Variants in CTCFL observed in about 807,000 individuals in gnomAD.
CTCFL encodes the protein CCCTC-binding factor like.
Under a neutral mutation model 67.4 loss-of-function variants are expected in CTCFL, and 36 were observed. That is an observed-to-expected ratio of 0.53 (90% confidence interval 0.41 to 0.71). CTCFL has a LOEUF of 0.71. Among genes scored for constraint, CTCFL ranks in the 30% least tolerant of loss-of-function variants. CTCFL has a pLI of 0.00. For synonymous variants in CTCFL, 324 were observed against 302.3 expected (o/e 1.07, Z -0.75); for missense variants, 786 against 835.2 (o/e 0.94, Z 0.73).
intron 3 of CTCFL, among the ~76,000 whole-genome samples, chr20:57,521,921 G>A (rs1378437299): frequency 6.6e-6 from 1 of 152,228 alleles, no homozygotes; most frequent in African/African-American, 2.4e-5. Context: ...CAGGGGCTAG[G>A]AGGAACAGAG....
At chr20:57,511,445 T>C (rs1260786009) in intron 8 of CTCFL, among the ~76,000 whole-genome samples, 1 of 152,212 alleles carries the variant, frequency 6.6e-6, no homozygotes, top group Non-Finnish European at 1.5e-5. Context: ...TTACTTTGAA[T>C]GGATCTTTTA....
intron 5 of CTCFL, among the ~76,000 whole-genome samples, chr20:57,517,653 C>T (rs1187371058): frequency 6.6e-6 from 1 of 152,034 alleles, no homozygotes; most frequent in South Asian, 2.1e-4. Context: ...ATTTTTGTCA[C>T]GGGATGGGAT....
intron 7 of CTCFL, chr20:57,513,862 G>T (rs2068719819): frequency 4.7e-6 from 6 of 1,288,876 alleles, no homozygotes; most frequent in Non-Finnish European, 6.1e-6. Flanking sequence ...GAAAAGGGAG[G>T]CCCAGGAATC....
chr20:57,510,186 AG>A (rs377528664), intron 8 of CTCFL, among the ~76,000 whole-genome samples: 101 of 152,346 alleles, frequency 6.6e-4, no homozygotes, highest in African/African-American at 2.3e-3. Flanking sequence ...ACTTTGAAGC[AG>A]TGTTTTGGTT....
rs758106197 is a variant in CTCFL, at chr20:57,497,216, A to AT, written c.*1333dup. 1.8e-5 allele frequency: 17 copies of AT among 948,734 alleles called. No individual in the cohort carries two copies. In the South Asian group the frequency reaches 5.9e-4, roughly 33 times the overall value. The allele number at this position is 948,734 out of a possible 1,614,324, so 58.8% of individuals were successfully genotyped here. A position where few individuals can be genotyped will look rare whatever the true frequency, so the allele number is the denominator to read the frequency against. On this transcript the variant is annotated 3_prime_UTR_variant, in exon 11 of 11. Transcript: ENST00000243914. ...ATTGAATTATGTAAAACATCTTTAA[A>AT]TAACAGTAAAAAAATTAAGAAACCA...
chr20:57,496,644 C>T (rs941778185), downstream of CTCFL, among the ~76,000 whole-genome samples: 1 of 152,214 alleles, frequency 6.6e-6, no homozygotes, highest in Non-Finnish European at 1.5e-5. Context: ...ACTTTACCGT[C>T]TGTCTCTATG....
intron 5 of CTCFL, chr20:57,518,527 T>C: frequency 2.8e-6 from 4 of 1,411,308 alleles, no homozygotes; most frequent in Non-Finnish European, 3.7e-6. Context: ...TTATTTGTAA[T>C]TTGTAAACCT....
chr20:57,504,719 T>C (rs1357985064), intron 9 of CTCFL, among the ~76,000 whole-genome samples: 1 of 151,904 alleles, frequency 6.6e-6, no homozygotes, highest in Non-Finnish European at 1.5e-5. Context: ...TGTTCTAATT[T>C]TGTTCTTAAT....
chr20:57,523,826 C>T lies in CTCFL; in HGVS notation c.380G>A (p.Arg127Gln), dbSNP rs138553138. 193 of 1,612,968 alleles carry T rather than the reference C, an allele frequency of 1.2e-4. No homozygotes were observed. Among genetic ancestry groups the T allele is most frequent in the Middle Eastern group, 1.6e-4 (1 of 6,084 alleles). The change falls in exon 2 of 11, where the codon CGG (arginine) becomes CAG (glutamine). Residue 127 changes from arginine to glutamine, a missense_variant. Physicochemically the swap from Arg to Gln is conservative, Grantham distance 43. Coordinates refer to ENST00000243914, the MANE Select transcript of CTCFL (RefSeq NM_001386993.1). Reference sequence around the variant, plus strand: ...GGCCACACACTGCTGCAGGCTCTGCCGGGGCCCTTCCTCAAGCCACAGCAA... The same window carrying T: ...GGCCACACACTGCTGCAGGCTCTGCTGGGGCCCTTCCTCAAGCCACAGCAA... The part of the protein sequence containing the change: ...PGLLWLEEGP[R>Q]QSLQQCVAIS...
At chr20:57,507,529 G>A (rs2068275861) in intron 9 of CTCFL, 6 of 698,210 alleles carry the variant, frequency 8.6e-6, no homozygotes, top group Admixed American at 4.0e-5. Flanking sequence ...GACTGCAAAA[G>A]GCACCATGGC....
At chr20:57,513,068 A>G (rs1174512031) in intron 7 of CTCFL, among the ~76,000 whole-genome samples, 2 of 152,164 alleles carry the variant, frequency 1.3e-5, no homozygotes, top group African/African-American at 4.8e-5. Flanking sequence ...GAATGCTGAA[A>G]TATCATTTTA....
At chr20:57,496,176 C>T, downstream of CTCFL, 1 of 512,082 alleles carries the variant, frequency 2.0e-6, no homozygotes, top group East Asian at 3.1e-5. Flanking sequence ...GTGCTGTCCT[C>T]ATGACAGTGG....
At chr20:57,520,849 G>C (rs2069301046) in intron 3 of CTCFL, among the ~76,000 whole-genome samples, 1 of 152,344 alleles carries the variant, frequency 6.6e-6, no homozygotes, top group East Asian at 1.9e-4. Flanking sequence ...TGTGCAGAAA[G>C]GGTCTTTGCA....
chr20:57,512,476 G>C (rs1568865600), intron 8 of CTCFL, 116 bp downstream of exon 8: 2 of 1,003,220 alleles, frequency 2.0e-6, no homozygotes, highest in Non-Finnish European at 3.0e-6. Context: ...ATTCTGAATA[G>C]GCTACTCTAT....
intron 10 of CTCFL, among the ~76,000 whole-genome samples, chr20:57,501,155 A>G (rs1361837375): frequency 6.6e-6 from 1 of 152,222 alleles, no homozygotes; most frequent in Non-Finnish European, 1.5e-5. Context: ...GGCCAGGCCT[A>G]GTGCCAGGAG....
intron 3 of CTCFL, among the ~76,000 whole-genome samples, chr20:57,521,814 A>C (rs1056065347): frequency 6.6e-6 from 1 of 152,238 alleles, no homozygotes; most frequent in African/African-American, 2.4e-5. Flanking sequence ...TCAAGAATCT[A>C]GACACGAAAG....
At chr20:57,499,894 C>A in intron 10 of CTCFL, 1 of 898,616 alleles carries the variant, frequency 1.1e-6, no homozygotes, top group Non-Finnish European at 1.3e-6. Flanking sequence ...CTCCCTCACC[C>A]ACTGCTCACC....
At position 57,497,232 on chromosome 20, in the gene CTCFL, T is replaced by G. The variant is rs1043244815; in HGVS notation, c.*1318A>C. 1.0e-6 allele frequency: 1 copy of G among 966,444 alleles called. No individual in the cohort carries two copies. The highest frequency in any genetic ancestry group is 1.8e-5 in the African/African-American group (1 of 56,854). 59.9% of individuals were successfully genotyped at this position (966,444 alleles called of 1,614,324 possible). The stretch of plus-strand genomic sequence containing the variant: ...CATCTTTAAATAACAGTAAAAAAAT[T>G]AAGAAACCATTGCACAAATTCAGTC... On this transcript the variant is annotated 3_prime_UTR_variant, in exon 11 of 11. Coordinates refer to ENST00000243914, the MANE Select transcript of CTCFL (RefSeq NM_001386993.1).
At chr20:57,519,088 A>G (rs2069143806) in intron 4 of CTCFL, 119 bp downstream of exon 4, 4 of 1,255,256 alleles carry the variant, frequency 3.2e-6, no homozygotes, top group Non-Finnish European at 4.4e-6. Context: ...AAGAAAAAGA[A>G]GACAAAACTA....
Sources: gnomAD v4.1 joint callset for allele counts (sites outside exome capture counted in the v4.1 genomes callset) on GRCh38, gnomAD v4.1.1 for gene constraint, MANE v1.5 for transcripts, NCBI Gene and HGNC (gene_info 2026-07-23, HGNC 2026-07-21) for gene names.